Variants in ZFR observed in about 807,000 individuals in gnomAD.
ZFR encodes the protein zinc finger RNA binding protein, also known as zinc finger RNA-binding protein.
In ZFR, 19 loss-of-function variants were observed where a neutral mutation model predicts 130.7. The observed-to-expected ratio is 0.15, with a 90% CI of 0.10 to 0.21. The LOEUF is 0.21. Ranked by LOEUF, ZFR falls within the 10% of genes least tolerant of loss-of-function variation. The pLI, the probability that ZFR is intolerant of heterozygous loss-of-function variation, is 1.00. For missense variants in ZFR, 872 were observed against 1,321.5 expected, an observed-to-expected ratio of 0.66 and a Z score of 5.27; for synonymous variants, 466 against 456.9, an observed-to-expected ratio of 1.02 and a Z score of -0.25.
chr5:32,354,953 C>CTACG lies in ZFR; in HGVS notation c.*803_*806dup, dbSNP rs1368276773. On this transcript the variant is annotated 3_prime_UTR_variant, in exon 20 of 20. Coordinates refer to ENST00000265069, the MANE Select transcript of ZFR (RefSeq NM_016107.5). ...GTCAAAAAGTCAACTGTACAAAGAT[C>CTACG]TACGTGTTAAACCTAAAATTATGAT... 6.6e-6 allele frequency: 1 copy of CTACG among 152,160 alleles called. No homozygotes were observed. Among genetic ancestry groups the CTACG allele is most frequent in the Non-Finnish European group, 1.5e-5 (1 of 68,020 alleles). 9.4% of individuals were successfully genotyped at this position (152,160 alleles called of 1,614,324 possible).
chr5:32,444,120 G>A (rs1474154126), intron 2 of ZFR, 109 bp downstream of exon 2: 13 of 1,255,938 alleles, frequency 1.0e-5, no homozygotes, highest in Non-Finnish European at 1.2e-5. Flanking sequence ...GGCCTGCAGC[G>A]GGCCGGGGCT....
At chr5:32,369,504 A>ACAAAAC (rs1752614382) in intron 17 of ZFR, among the ~76,000 whole-genome samples, 1 of 152,126 alleles carries the variant, frequency 6.6e-6, no homozygotes, top group Non-Finnish European at 1.5e-5. Flanking sequence ...ACAAAACAAA[A>ACAAAAC]CAAAACAAAA....
At chr5:32,401,951 A>G (rs1753457143) in intron 8 of ZFR, among the ~76,000 whole-genome samples, 1 of 152,216 alleles carries the variant, frequency 6.6e-6, no homozygotes, top group South Asian at 2.1e-4. Flanking sequence ...GAAATCTGCA[A>G]TTTTATGACA....
chr5:32,399,684 C>T (rs182301683), intron 9 of ZFR, among the ~76,000 whole-genome samples: 182 of 152,242 alleles, frequency 1.2e-3, no homozygotes, highest in South Asian at 3.7e-3. Flanking sequence ...AACATTTTTG[C>T]TGCTCAGAAC....
At chr5:32,394,303 T>A (rs936838605) in intron 11 of ZFR, 4 of 167,766 alleles carry the variant, frequency 2.4e-5, no homozygotes, top group Non-Finnish European at 4.4e-5. Flanking sequence ...TACTGAAACA[T>A]GTTACAATCT....
rs181883734 is a variant in ZFR at position 32,374,254 on chromosome 5, C to T, written c.2835+4861G>A. ...GGCACGGTGGCTCACGCCTGTAATC[C>T]CAGCAACTTGTGAGGCCAAGGTGGG... is the stretch of plus-strand genomic sequence containing the variant. On this transcript the variant is annotated intron_variant, in intron 17 of 19. Transcript: ENST00000265069. 6.8e-3 allele frequency among the ~76,000 whole-genome samples: 1,036 copies of T among 152,110 alleles called. 5 individuals carry two copies. Among genetic ancestry groups the T allele is most frequent in the Non-Finnish European group, 0.012 (787 of 67,982 alleles).
At chr5:32,438,052 CA>C (rs1754379270) in intron 2 of ZFR, among the ~76,000 whole-genome samples, 1 of 152,052 alleles carries the variant, frequency 6.6e-6, no homozygotes. Context: ...GTTTTTCACT[CA>C]TGAACACAGT....
At chr5:32,411,766 TATA>T (rs1753719086) in intron 5 of ZFR, among the ~76,000 whole-genome samples, 1 of 148,968 alleles carries the variant, frequency 6.7e-6, no homozygotes, top group Non-Finnish European at 1.5e-5. Flanking sequence ...AACAACCATT[TATA>T]TATAGCACTT....
chr5:32,392,049 G>A lies in ZFR; in HGVS notation c.1980-1612C>T, dbSNP rs145180423. Among the ~76,000 whole-genome samples the A allele has an allele frequency of 2.6e-4, 39 of 152,248 alleles. No homozygotes were observed. In the East Asian group the frequency reaches 6.9e-3, roughly 27 times the overall value. ...GTGCCCAGCCAGCAGTGCTTTTTAG[G>A]ATTAACCAACTAGGGACTGATAGAA... is the stretch of plus-strand genomic sequence containing the variant. On this transcript the variant is annotated intron_variant, in intron 11 of 19. Coordinates refer to ENST00000265069, the MANE Select transcript of ZFR (RefSeq NM_016107.5).
At chr5:32,444,109 A>T in intron 2 of ZFR, 120 bp downstream of exon 2, 2 of 1,088,138 alleles carry the variant, frequency 1.8e-6, no homozygotes, top group South Asian at 1.8e-5. Flanking sequence ...GGGCCGGGCC[A>T]GGCCTGCAGC....
intron 3 of ZFR, among the ~76,000 whole-genome samples, chr5:32,418,971 G>C (rs1464012706): frequency 6.6e-6 from 1 of 152,130 alleles, no homozygotes; most frequent in Non-Finnish European, 1.5e-5. Flanking sequence ...GGATGAATAA[G>C]GGCATGATCA....
intron 17 of ZFR, among the ~76,000 whole-genome samples, chr5:32,377,204 T>TTC (rs2111700595): frequency 7.0e-6 from 1 of 142,038 alleles, no homozygotes; most frequent in African/African-American, 2.5e-5. Flanking sequence ...TTCTCTTTCT[T>TTC]TATTTCTCTT....
chr5:32,403,876 C>T, intron 7 of ZFR, 30 bp downstream of exon 7: 1 of 1,541,862 alleles, frequency 6.5e-7, no homozygotes, highest in Non-Finnish European at 8.7e-7. Context: ...AGAATCAAGG[C>T]ATAAGGGTGT....
intron 11 of ZFR, among the ~76,000 whole-genome samples, chr5:32,393,222 G>C (rs867060214): frequency 6.6e-6 from 1 of 151,888 alleles, no homozygotes; most frequent in Non-Finnish European, 1.5e-5. Context: ...TTTTTTTACT[G>C]TATTTTATTG....
rs1753412772 is a variant in ZFR at position 32,400,131 on chromosome 5, G to C, written c.1589C>G (p.Pro530Arg). 2 of 1,613,200 alleles carry C rather than the reference G, an allele frequency of 1.2e-6. No individual in the cohort carries two copies. Reference sequence around the variant, plus strand: ...AGGAATCTGCACAGCAGAAGTGACAGGAGTACTTTTAACACATTCGGTTCC... The same window carrying C: ...AGGAATCTGCACAGCAGAAGTGACACGAGTACTTTTAACACATTCGGTTCC... ...IKGTECVKST[P>R]VTSAVQIPEV... Residue 530 changes from proline (P) to arginine (R), a missense_variant, in exon 9 of 20, where the codon CCT (proline) becomes CGT (arginine). Physicochemically the swap from Pro to Arg is moderately radical, Grantham distance 103. Transcript: ENST00000265069.
intron 2 of ZFR, among the ~76,000 whole-genome samples, chr5:32,439,650 T>C (rs1754415461): frequency 3.9e-5 from 6 of 151,984 alleles, no homozygotes. Context: ...TGTTTACAAC[T>C]CTCAATGAGG....
chr5:32,426,366 G>C (rs571487475), intron 2 of ZFR, among the ~76,000 whole-genome samples: 72 of 150,342 alleles, frequency 4.8e-4, no homozygotes, highest in Admixed American at 7.3e-4. Flanking sequence ...CATTTGACAA[G>C]AGTCAACATC....
At chr5:32,355,982 C>G in intron 19 of ZFR, 43 bp from the exon 20 acceptor site, 2 of 1,521,840 alleles carry the variant, frequency 1.3e-6, no homozygotes, top group Non-Finnish European at 1.8e-6. Flanking sequence ...TTGAAAAACC[C>G]CAAGTAGTAA....
intron 19 of ZFR, among the ~76,000 whole-genome samples, chr5:32,360,140 C>A (rs1352314302): frequency 6.6e-6 from 1 of 152,122 alleles, no homozygotes; most frequent in African/African-American, 2.4e-5. Flanking sequence ...CCCACTTAAC[C>A]TAATTCAAGG....
Sources: gnomAD v4.1 joint callset for allele counts (sites outside exome capture counted in the v4.1 genomes callset) on GRCh38, gnomAD v4.1.1 for gene constraint, MANE v1.5 for transcripts, NCBI Gene and HGNC (gene_info 2026-07-23, HGNC 2026-07-21) for gene names.